The following ARIH2 variants were observed in gnomAD, a reference collection of about 807,000 sequenced individuals.
The protein encoded by ARIH2 is E3 ubiquitin-protein ligase ARIH2.
Under a neutral mutation model 79.8 loss-of-function variants are expected in ARIH2, and 12 were observed. The ratio of observed to expected loss-of-function variants is 0.15; its 90% CI spans 0.10 to 0.24. The LOEUF is 0.24. ARIH2 is among the 10% of genes least tolerant of loss of function. The pLI, the probability that ARIH2 is intolerant of heterozygous loss-of-function variation, is 1.00. For missense variants in ARIH2, 301 were observed against 618.3 expected (o/e 0.49, Z 5.44); for synonymous variants, 224 against 213.9 (o/e 1.05, Z -0.41).
rs377688499 is a variant in ARIH2, at chr3:48,970,693, C to T, written c.759C>T (p.Asn253=). ...RARRVQCNRC[N]EVFCFKCRQM... Reference sequence around the variant, plus strand: ...GCCGAGTACAGTGCAATCGGTGCAACGAGGTCTTCTGGTAAGAGTGAGTGT... The same window carrying T: ...GCCGAGTACAGTGCAATCGGTGCAATGAGGTCTTCTGGTAAGAGTGAGTGT... The change falls in exon 8 of 16, where the codon AAC becomes AAT. Residue 253 remains asparagine, a synonymous_variant. Coordinates refer to ENST00000356401, the MANE Select transcript of ARIH2 (RefSeq NM_006321.4). 9.3e-6 allele frequency: 15 copies of T among 1,613,500 alleles called. No homozygotes were observed. Among genetic ancestry groups the T allele is most frequent in the Non-Finnish European group, 1.3e-5 (15 of 1,179,618 alleles).
chr3:48,948,362 A>G (rs2089496230), intron 3 of ARIH2, among the ~76,000 whole-genome samples: 1 of 152,042 alleles, frequency 6.6e-6, no homozygotes, highest in Non-Finnish European at 1.5e-5. Flanking sequence ...TTTGCGTCCC[A>G]GGTTCAAGCG....
chr3:48,928,122 G>A (rs894263992), intron 3 of ARIH2, among the ~76,000 whole-genome samples: 5 of 152,200 alleles, frequency 3.3e-5, no homozygotes, highest in Admixed American at 2.6e-4. Flanking sequence ...CAGGAAGTGA[G>A]TTTTCAGAAT....
At chr3:48,968,344 A>T in intron 6 of ARIH2, 190 bp from the exon 7 acceptor site, 1 of 397,820 alleles carries the variant, frequency 2.5e-6, no homozygotes, top group Non-Finnish European at 4.8e-6. Context: ...AGTAGCTGGG[A>T]CTACAGGCGC....
chr3:48,922,439 G>C (rs1055590882), intron 1 of ARIH2: 1 of 152,082 alleles, frequency 6.6e-6, no homozygotes, highest in Admixed American at 6.6e-5. Flanking sequence ...GAGTAGCTGG[G>C]ATTACAGGTG....
chr3:48,960,882 A>G (rs568259727), intron 3 of ARIH2, among the ~76,000 whole-genome samples: 2 of 152,178 alleles, frequency 1.3e-5, no homozygotes, highest in African/African-American at 4.8e-5. Flanking sequence ...TATTTAGGTT[A>G]TTTCTAATTT....
intron 3 of ARIH2, among the ~76,000 whole-genome samples, chr3:48,932,312 A>G (rs1302459346): frequency 6.6e-6 from 1 of 152,220 alleles, no homozygotes; most frequent in Admixed American, 6.5e-5. Context: ...AGATGAAATG[A>G]TTGCCAAGTG....
intron 3 of ARIH2, among the ~76,000 whole-genome samples, chr3:48,948,050 T>A (rs1178827819): frequency 6.6e-6 from 1 of 151,832 alleles, no homozygotes; most frequent in Non-Finnish European, 1.5e-5. Context: ...AAGCTCCGCC[T>A]CCCAGGTTCA....
chr3:48,937,466 T>G (rs574738564), intron 3 of ARIH2, among the ~76,000 whole-genome samples: 38 of 152,326 alleles, frequency 2.5e-4, no homozygotes, highest in Middle Eastern at 3.4e-3. Flanking sequence ...CCACTGTGCT[T>G]CTTCTTGGTG....
intron 3 of ARIH2, among the ~76,000 whole-genome samples, chr3:48,956,204 T>C (rs993981551): frequency 5.9e-5 from 9 of 151,786 alleles, no homozygotes; most frequent in Non-Finnish European, 1.2e-4. Flanking sequence ...AGTGGTACCA[T>C]GTCGGCTCAC....
intron 4 of ARIH2, among the ~76,000 whole-genome samples, chr3:48,962,149 G>A (rs2091339870): frequency 6.6e-6 from 1 of 152,246 alleles, no homozygotes; most frequent in South Asian, 2.1e-4. Context: ...GGCTGAGGCG[G>A]GCGGATCACC....
intron 8 of ARIH2, 188 bp downstream of exon 8, chr3:48,970,892 C>T (rs1576488693): frequency 3.8e-6 from 2 of 522,800 alleles, no homozygotes; most frequent in Non-Finnish European, 3.5e-6. Context: ...AATACATGCT[C>T]AGTCTGGAGG....
chr3:48,940,083 G>A lies in ARIH2; in HGVS notation c.255+12270G>A, dbSNP rs539399782. The stretch of plus-strand genomic sequence containing the variant: ...TAGCCAGGCATGGTGGTGGGCGCCT[G>A]TAGTCCCAGCTACTCGGGAGGCTGA... On this transcript the variant is annotated intron_variant, in intron 3 of 15. Transcript: ENST00000356401. 1.9e-3 allele frequency among the ~76,000 whole-genome samples: 286 copies of A among 152,096 alleles called. 1 individual carries two copies. The highest frequency in any genetic ancestry group is 6.7e-3 in the African/African-American group (278 of 41,486).
chr3:48,940,808 A>AAT lies in ARIH2; in HGVS notation c.255+13015_255+13016dup, dbSNP rs1553702240. ...AGACTCCGTCTCAAAAAAAAAAAAAAATATATATATATATATATATAGCCA... is the reference window on the plus strand; with the variant it reads ...AGACTCCGTCTCAAAAAAAAAAAAAAATATATATATATATATATATATAGCCA... On this transcript the variant is annotated intron_variant, in intron 3 of 15. Transcript: ENST00000356401. 8.5e-3 allele frequency among the ~76,000 whole-genome samples: 833 copies of AAT among 98,024 alleles called. 17 individuals are homozygous for AAT. The highest frequency in any genetic ancestry group is 0.016 in the African/African-American group (390 of 24,360). 64.3% of individuals were successfully genotyped at this position (98,024 alleles called of 152,430 possible). A position where few individuals can be genotyped will look rare whatever the true frequency, so the allele number is the denominator to read the frequency against.
chr3:48,939,816 C>G (rs1248013042), intron 3 of ARIH2, among the ~76,000 whole-genome samples: 1 of 145,596 alleles, frequency 6.9e-6, no homozygotes, highest in Admixed American at 6.8e-5. Context: ...AAGTAATAAT[C>G]ACATAACCTA....
chr3:48,939,565 G>C (rs1039602867), intron 3 of ARIH2, among the ~76,000 whole-genome samples: 1 of 150,556 alleles, frequency 6.6e-6, no homozygotes, highest in African/African-American at 2.4e-5. Flanking sequence ...AGACCATCCC[G>C]GCTAACACAG....
intron 3 of ARIH2, among the ~76,000 whole-genome samples, chr3:48,938,719 CAG>C (rs1349989202): frequency 2.6e-5 from 4 of 151,832 alleles, no homozygotes; most frequent in Non-Finnish European, 4.4e-5. Flanking sequence ...TAGTAACAAA[CAG>C]AATGGGTTGG....
In ARIH2 at chr3:48,984,645, G is replaced by C. The variant is rs1576591943; in HGVS notation, c.*1375G>C. 6.6e-6 allele frequency: 1 copy of C among 152,206 alleles called. No homozygotes were observed. Among genetic ancestry groups the C allele is most frequent in the African/African-American group, 2.4e-5 (1 of 41,444 alleles). The allele number at this position is 152,206 out of a possible 1,614,324, so 9.4% of individuals were successfully genotyped here. On this transcript the variant is annotated 3_prime_UTR_variant, in exon 16 of 16. Transcript: ENST00000356401. The stretch of plus-strand genomic sequence containing the variant: ...TGATCTCTGGGGTTTTTGTGGCTTT[G>C]TTCAATGCTTCCACTCTAGGGCAGG...
intron 12 of ARIH2, chr3:48,979,914 CT>C (rs113959895): frequency 0.06 from 14,804 of 246,350 alleles, 11 homozygotes; most frequent in Middle Eastern, 0.093. Flanking sequence ...CTAGTACCAT[CT>C]TTTTTTTTTT....
rs367990114 is a variant in ARIH2 at position 48,958,734 on chromosome 3, G to T, written c.256-2878G>T. On this transcript the variant is annotated intron_variant, in intron 3 of 15. Coordinates refer to ENST00000356401, the MANE Select transcript of ARIH2 (RefSeq NM_006321.4). The stretch of plus-strand genomic sequence containing the variant: ...AAAAAAAAGAAAAAAAGGTAAGGCC[G>T]GACTCAGTGGCTCACACCTGTAATC... Among the ~76,000 whole-genome samples, 209 of 151,788 alleles carry T rather than the reference G, an allele frequency of 1.4e-3. 8 individuals carry two copies. The South Asian group carries it at 0.043, about 31-fold the overall frequency.
Sources: gnomAD v4.1 joint callset for allele counts (sites outside exome capture counted in the v4.1 genomes callset) on GRCh38, gnomAD v4.1.1 for gene constraint, MANE v1.5 for transcripts, NCBI Gene and HGNC (gene_info 2026-07-23, HGNC 2026-07-21) for gene names.